The following BFSP1 variants were observed in gnomAD, a reference collection of about 807,000 sequenced individuals.
The protein encoded by BFSP1 is beaded filament structural protein 1.
In BFSP1, 38 loss-of-function variants were observed where a neutral mutation model predicts 43.9. The observed-to-expected ratio is 0.87, with a 90% CI of 0.67 to 1.14. The LOEUF is 1.14. Ranked by LOEUF, BFSP1 falls within the 50% of genes most tolerant of loss-of-function variation. The pLI is 0.00. For missense variants in BFSP1, 850 were observed against 875.1 expected, an observed-to-expected ratio of 0.97 and a Z score of 0.36; for synonymous variants, 352 against 354.8, an observed-to-expected ratio of 0.99 and a Z score of 0.09.
intron 6 of BFSP1, among the ~76,000 whole-genome samples, chr20:17,498,539 A>C (rs985549434): frequency 6.6e-6 from 1 of 152,170 alleles, no homozygotes; most frequent in African/African-American, 2.4e-5. Flanking sequence ...CAGGCTTCTC[A>C]GTGAGGCCTT....
intron 2 of BFSP1, among the ~76,000 whole-genome samples, 185 bp downstream of exon 2, chr20:17,524,663 G>A (rs2123517635): frequency 6.6e-6 from 1 of 152,286 alleles, no homozygotes; most frequent in African/African-American, 2.4e-5. Context: ...AGGGGTGTGT[G>A]TATGGGTGTG....
rs3828011 is a variant in BFSP1, at chr20:17,507,770, A to G, written c.735+1119T>C. 0.61 allele frequency among the ~76,000 whole-genome samples: 93,421 copies of G among 151,968 alleles called. 29,120 individuals carry two copies. The highest frequency in any genetic ancestry group is 0.74 in the Middle Eastern group (216 of 292). Reference sequence around the variant, plus strand: ...TGGTCCCTGAGCCAGGGTTTGTCTCACAAGAAGGAGGAGTTTTAAGTGCCT... The same window carrying G: ...TGGTCCCTGAGCCAGGGTTTGTCTCGCAAGAAGGAGGAGTTTTAAGTGCCT... On this transcript the variant is annotated intron_variant, in intron 5 of 7. Transcript: ENST00000377873. The surrounding 1 kb of genome is among the most constrained non-coding windows in gnomAD (Gnocchi z 4.4).
At chr20:17,509,883 G>A (rs1189943249) in intron 4 of BFSP1, among the ~76,000 whole-genome samples, 1 of 152,176 alleles carries the variant, frequency 6.6e-6, no homozygotes, top group African/African-American at 2.4e-5. Flanking sequence ...GTTTCACAAA[G>A]GCCTGACTGC....
At chr20:17,536,454 C>G (rs1440111762) in intron 1 of BFSP1, among the ~76,000 whole-genome samples, 2 of 152,162 alleles carry the variant, frequency 1.3e-5, no homozygotes, top group Admixed American at 1.3e-4. Context: ...ATTGCTGGAG[C>G]CTGGGAGGCA....
chr20:17,517,355 C>CA, intron 2 of BFSP1: 5 of 960,552 alleles, frequency 5.2e-6, no homozygotes, highest in Non-Finnish European at 8.3e-6. Flanking sequence ...CAAAACAAAA[C>CA]AAACAAACAA....
chr20:17,516,332 A>G (rs564013196), intron 2 of BFSP1, among the ~76,000 whole-genome samples: 8 of 152,266 alleles, frequency 5.3e-5, no homozygotes, highest in East Asian at 1.9e-4. Flanking sequence ...CATCTCAAAA[A>G]AAATTAATTA....
intron 4 of BFSP1, among the ~76,000 whole-genome samples, chr20:17,509,951 C>A (rs1035920597): frequency 4.6e-5 from 7 of 152,242 alleles, no homozygotes; most frequent in African/African-American, 1.7e-4. Flanking sequence ...CAAAATCAAA[C>A]ACCAAGTCTA....
chr20:17,499,014 T>C lies in BFSP1; in HGVS notation c.762A>G (p.Lys254=), dbSNP rs35042144. 545 of 1,614,140 alleles carry C rather than the reference T, an allele frequency of 3.4e-4. No individual in the cohort carries two copies. The African/African-American group carries it at 6.7e-3, about 20-fold the overall frequency. The part of the protein sequence containing the change: ...AQTTTLEQAI[K]SAHECYDDEI... ...CATCGTCATAACACTCATGGGCACT[T>C]TTAATAGCTTGTTCCAGAGTTGTTG... Residue 254 remains lysine, a synonymous_variant, in exon 6 of 8, where the codon AAA becomes AAG. Transcript: ENST00000377873.
Position 17,494,662 on chromosome 20 carries a change from G to T in BFSP1, c.1410C>A (p.His470Gln), listed in dbSNP as rs78102780. ...TPTELYTKER[H>Q]VLVTGDANYV... ...AATTGGCATCCCCTGTGACCAGCACGTGCCGCTCTTTGGTGTAGAGCTCAG... is the reference window on the plus strand; with the variant it reads ...AATTGGCATCCCCTGTGACCAGCACTTGCCGCTCTTTGGTGTAGAGCTCAG... The change falls in exon 8 of 8, where the codon CAC becomes CAA. Residue 470 changes from histidine to glutamine, a missense_variant. Physicochemically the swap from His to Gln is conservative, Grantham distance 24. Coordinates refer to ENST00000377873, the MANE Select transcript of BFSP1 (RefSeq NM_001195.5). The T allele has an allele frequency of 1.2e-6, 2 of 1,614,190 alleles. No homozygotes were observed. Among genetic ancestry groups the T allele is most frequent in the Non-Finnish European group, 1.7e-6 (2 of 1,180,028 alleles).
intron 1 of BFSP1, among the ~76,000 whole-genome samples, chr20:17,553,890 C>CAT (rs1202742539): frequency 2.6e-4 from 27 of 102,508 alleles, no homozygotes; most frequent in Non-Finnish European, 6.1e-4. Flanking sequence ...TATATACACA[C>CAT]ATATATATTT....
At chr20:17,495,609 C>T (rs2033613750) in intron 7 of BFSP1, among the ~76,000 whole-genome samples, 1 of 152,150 alleles carries the variant, frequency 6.6e-6, no homozygotes, top group South Asian at 2.1e-4. Context: ...TGATCAGCCT[C>T]CCCTTCCTCC....
chr20:17,518,909 A>C (rs1286497879), intron 2 of BFSP1, among the ~76,000 whole-genome samples: 1 of 152,150 alleles, frequency 6.6e-6, no homozygotes, highest in Admixed American at 6.5e-5. Flanking sequence ...CACGATGTGA[A>C]GGAAAATCAC....
chr20:17,514,957 A>T lies in BFSP1; in HGVS notation c.439-141T>A, dbSNP rs1317016082. Reference sequence around the variant, plus strand: ...TCAGTAGGTCTGGGAGGGGTCTGAGATTATGCATTCTAGCAAGGCAATGGC... The same window carrying T: ...TCAGTAGGTCTGGGAGGGGTCTGAGTTTATGCATTCTAGCAAGGCAATGGC... On this transcript the variant is annotated intron_variant, in intron 2 of 7. Coordinates refer to ENST00000377873, the MANE Select transcript of BFSP1 (RefSeq NM_001195.5). The T allele has an allele frequency of 5.8e-5, 41 of 701,588 alleles. 1 individual carries two copies. In the South Asian group the frequency reaches 6.6e-4, roughly 11 times the overall value. The allele number at this position is 701,588 out of a possible 1,614,324, so 43.5% of individuals were successfully genotyped here. A position where few individuals can be genotyped will look rare whatever the true frequency, so the allele number is the denominator to read the frequency against.
At chr20:17,545,848 A>T (rs1454303746) in intron 1 of BFSP1, among the ~76,000 whole-genome samples, 2 of 152,238 alleles carry the variant, frequency 1.3e-5, no homozygotes, top group Admixed American at 1.3e-4. Flanking sequence ...GCCCACCTGC[A>T]CATTGGCACA....
chr20:17,501,667 A>G (rs1479085287), intron 5 of BFSP1, among the ~76,000 whole-genome samples: 1 of 151,988 alleles, frequency 6.6e-6, no homozygotes, highest in African/African-American at 2.4e-5. Flanking sequence ...AAGGGAAGAA[A>G]AGGTACGTGT....
chr20:17,553,840 CATATATAT>C (rs201771585), intron 1 of BFSP1, among the ~76,000 whole-genome samples: 3 of 108,524 alleles, frequency 2.8e-5, no homozygotes, highest in Non-Finnish European at 5.3e-5. Context: ...TATATATACA[CATATATAT>C]ACATATATAT....
intron 1 of BFSP1, chr20:17,541,343 T>A: frequency 1.2e-6 from 1 of 827,958 alleles, no homozygotes; most frequent in South Asian, 5.5e-5. Flanking sequence ...TTACAAGGGA[T>A]CTTACCAGCA....
chr20:17,531,469 G>T, upstream of BFSP1: 1 of 1,148,290 alleles, frequency 8.7e-7, no homozygotes, highest in Non-Finnish European at 1.1e-6. Context: ...GCAGTTGGGC[G>T]CCACGCTGGG....
At chr20:17,517,661 T>C (rs992734463) in intron 2 of BFSP1, among the ~76,000 whole-genome samples, 4 of 152,254 alleles carry the variant, frequency 2.6e-5, no homozygotes, top group African/African-American at 9.6e-5. Flanking sequence ...TAATATATTT[T>C]ATTTTACCCA....
Sources: allele counts gnomAD v4.1 joint callset (sites outside exome capture counted in the v4.1 genomes callset), GRCh38; gene constraint gnomAD v4.1.1; non-coding constraint Gnocchi (gnomAD v3.1); transcripts MANE v1.5; gene names NCBI Gene and HGNC (gene_info 2026-07-23, HGNC 2026-07-21).